Variants in GTF2A1L observed in about 807,000 individuals in gnomAD.
GTF2A1L encodes TFIIA-alpha and beta-like factor.
Under a neutral mutation model 49.7 loss-of-function variants are expected in GTF2A1L, and 48 were observed. The observed-to-expected ratio is 0.97, with a 90% confidence interval of 0.77 to 1.23. The LOEUF is 1.23. Among genes scored for constraint, GTF2A1L ranks in the 50% most tolerant of loss-of-function variants. The pLI is 0.00. For missense variants in GTF2A1L, 736 were observed against 564.8 expected, an observed-to-expected ratio of 1.30 and a Z score of -3.07; for synonymous variants, 246 against 193.5, an observed-to-expected ratio of 1.27 and a Z score of -2.25.
chr2:48,652,766 C>T (rs894767011), intron 6 of GTF2A1L, among the ~76,000 whole-genome samples: 18 of 146,878 alleles, frequency 1.2e-4, no homozygotes, highest in Non-Finnish European at 1.5e-4. Context: ...GTGATCTCGG[C>T]GCACTGCAAC....
intron 8 of GTF2A1L, 48 bp downstream of exon 8, chr2:48,671,728 G>C: frequency 6.7e-7 from 1 of 1,498,484 alleles, no homozygotes; most frequent in Non-Finnish European, 9.2e-7. Context: ...TGCATTTATA[G>C]TAGAAAGGTA....
intron 3 of GTF2A1L, among the ~76,000 whole-genome samples, chr2:48,626,545 C>T (rs1676301487): frequency 6.9e-6 from 1 of 143,956 alleles, no homozygotes; most frequent in Non-Finnish European, 1.6e-5. Flanking sequence ...CCTTCAGTTT[C>T]TTATATCAAT....
intron 7 of GTF2A1L, among the ~76,000 whole-genome samples, chr2:48,670,197 A>C (rs541590659): frequency 6.6e-6 from 1 of 152,278 alleles, no homozygotes; most frequent in Non-Finnish European, 1.5e-5. Context: ...GTTCGAGGCC[A>C]GCTTGGGCCA....
intron 1 of GTF2A1L, among the ~76,000 whole-genome samples, chr2:48,618,354 G>A (rs1049863888): frequency 3.3e-5 from 5 of 151,994 alleles, no homozygotes; most frequent in African/African-American, 1.2e-4. Context: ...CGCCCATTTC[G>A]TTGTCCTTTA....
chr2:48,656,752 A>G (rs1476989807), intron 6 of GTF2A1L, among the ~76,000 whole-genome samples: 1 of 152,108 alleles, frequency 6.6e-6, no homozygotes, highest in Non-Finnish European at 1.5e-5. Flanking sequence ...TTGGTGTCAT[A>G]TCCAATAAAT....
intron 3 of GTF2A1L, among the ~76,000 whole-genome samples, chr2:48,638,489 A>G (rs932213315): frequency 7.2e-5 from 11 of 152,338 alleles, no homozygotes; most frequent in Admixed American, 1.3e-4. Flanking sequence ...GCTTATCTCA[A>G]TAGATGCAGA....
At chr2:48,631,146 G>A (rs1676546208) in intron 3 of GTF2A1L, among the ~76,000 whole-genome samples, 1 of 152,098 alleles carries the variant, frequency 6.6e-6, no homozygotes, top group Non-Finnish European at 1.5e-5. Flanking sequence ...ATGAGTTAGA[G>A]AGGAGTCCCT....
chr2:48,671,557 A>C, intron 7 of GTF2A1L, 34 bp from the exon 8 acceptor site: 1 of 1,595,088 alleles, frequency 6.3e-7, no homozygotes, highest in South Asian at 1.1e-5. Context: ...AAAGCATCAT[A>C]AAATTCCTTA....
At chr2:48,621,053 C>A (rs1675968637) in intron 2 of GTF2A1L, 101 bp downstream of exon 2, 1 of 1,504,466 alleles carries the variant, frequency 6.6e-7, no homozygotes, top group Non-Finnish European at 8.9e-7. Flanking sequence ...TTAGTACTTA[C>A]CCATTCATTG....
intron 8 of GTF2A1L, among the ~76,000 whole-genome samples, chr2:48,673,855 G>A (rs1244202818): frequency 2.0e-5 from 3 of 152,118 alleles, no homozygotes; most frequent in South Asian, 4.1e-4. Flanking sequence ...TGTGTATAGG[G>A]TAGGGACCTC....
chr2:48,631,842 T>C (rs1676596606), intron 3 of GTF2A1L, among the ~76,000 whole-genome samples: 1 of 152,196 alleles, frequency 6.6e-6, no homozygotes, highest in African/African-American at 2.4e-5. Context: ...TCTCAGAGAT[T>C]TTTGGTATGT....
chr2:48,675,187 C>T (rs1300518736), intron 8 of GTF2A1L, among the ~76,000 whole-genome samples: 2 of 152,124 alleles, frequency 1.3e-5, no homozygotes, highest in Non-Finnish European at 2.9e-5. Context: ...ATGGGCTTAG[C>T]ACGCTTTTGT....
chr2:48,679,598 A>G lies in GTF2A1L; in HGVS notation c.*156A>G, dbSNP rs1679659643. The G allele has an allele frequency of 4.3e-6, 6 of 1,385,994 alleles. No homozygotes were observed. The highest frequency in any genetic ancestry group is 3.0e-5 in the African/African-American group (2 of 66,286). The allele number at this position is 1,385,994 out of a possible 1,614,324, so 85.9% of individuals were successfully genotyped here. A position where few individuals can be genotyped will look rare whatever the true frequency, so the allele number is the denominator to read the frequency against. On this transcript the variant is annotated 3_prime_UTR_variant, in exon 9 of 9. Transcript: ENST00000403751. ...ATAAAATTATAATTCAGATGCAGAT[A>G]CAATTACACAATTTTATATGTATTT...
intron 3 of GTF2A1L, among the ~76,000 whole-genome samples, chr2:48,622,357 C>A (rs1000682111): frequency 2.6e-5 from 4 of 152,176 alleles, no homozygotes; most frequent in Admixed American, 6.5e-5. Context: ...TAATTGTTGA[C>A]ACATTGAAAC....
chr2:48,619,478 A>AT, intron 1 of GTF2A1L, among the ~76,000 whole-genome samples: 1 of 151,236 alleles, frequency 6.6e-6, no homozygotes, highest in African/African-American at 2.4e-5. Context: ...TCAAAAAAAA[A>AT]AAAATAATAA....
intron 7 of GTF2A1L, among the ~76,000 whole-genome samples, chr2:48,670,928 A>G (rs1679133196): frequency 6.6e-6 from 1 of 151,866 alleles, no homozygotes; most frequent in South Asian, 2.1e-4. Context: ...GGTTCAAATG[A>G]TTCTTATGCC....
intron 8 of GTF2A1L, among the ~76,000 whole-genome samples, chr2:48,676,344 A>G (rs572943284): frequency 2.6e-5 from 4 of 151,948 alleles, no homozygotes; most frequent in South Asian, 4.1e-4. Context: ...GTGTGCAGAT[A>G]TATCTATTAA....
Position 48,637,265 on chromosome 2 carries a change from C to T in GTF2A1L, c.248-5137C>T, listed in dbSNP as rs182774745. Among the ~76,000 whole-genome samples the T allele has an allele frequency of 3.2e-3, 494 of 152,048 alleles. 3 individuals are homozygous for T. Among genetic ancestry groups the T allele is most frequent in the South Asian group, 2.9e-3 (14 of 4,806 alleles). On this transcript the variant is annotated intron_variant, in intron 3 of 8. Transcript: ENST00000403751. Reference sequence around the variant, plus strand: ...CCAAGAATCATAAAACTATAACTGCCGCAATGTATCAAAGAATTTTTGATG... The same window carrying T: ...CCAAGAATCATAAAACTATAACTGCTGCAATGTATCAAAGAATTTTTGATG...
intron 3 of GTF2A1L, among the ~76,000 whole-genome samples, chr2:48,639,651 A>C (rs781557269): frequency 4.6e-5 from 7 of 152,250 alleles, no homozygotes; most frequent in African/African-American, 9.6e-5. Flanking sequence ...CAAAGATTTC[A>C]TGACAAAGAC....
Sources: gnomAD v4.1 joint callset for allele counts (sites outside exome capture counted in the v4.1 genomes callset) on GRCh38, gnomAD v4.1.1 for gene constraint, MANE v1.5 for transcripts, NCBI Gene and HGNC (gene_info 2026-07-23, HGNC 2026-07-21) for gene names.